The following DNAH9 variants were observed in gnomAD, a reference collection of about 807,000 sequenced individuals.
DNAH9 encodes dynein axonemal heavy chain 9, also known as DNAH9 variant protein.
In DNAH9, 345 loss-of-function variants were observed where a neutral mutation model predicts 471.6. The ratio of observed to expected loss-of-function variants is 0.73; its 90% CI spans 0.67 to 0.80. DNAH9 has a LOEUF of 0.80. Ranked by LOEUF, DNAH9 falls within the 30% of genes least tolerant of loss-of-function variation. The probability of loss-of-function intolerance (pLI) is 0.00; values close to 1 mark genes in which losing one functional copy is unlikely to be tolerated. For missense variants in DNAH9, 5,407 were observed against 5,609.2 expected (o/e 0.96, Z 1.15); for synonymous variants, 2,093 against 2,123.6 (o/e 0.99, Z 0.40).
intron 45 of DNAH9, among the ~76,000 whole-genome samples, chr17:11,819,150 C>T (rs995448511): frequency 1.3e-5 from 2 of 151,982 alleles, no homozygotes; most frequent in African/African-American, 4.8e-5. Context: ...AATCCTAGAA[C>T]CTTCCCCAGA....
At chr17:11,607,670 A>C (rs1362842832) in intron 1 of DNAH9, among the ~76,000 whole-genome samples, 1 of 152,054 alleles carries the variant, frequency 6.6e-6, no homozygotes, top group Non-Finnish European at 1.5e-5. Context: ...CCTGGGTTGA[A>C]GCGATTCTCC....
At chr17:11,710,102 G>T (rs2150785308) in intron 26 of DNAH9, among the ~76,000 whole-genome samples, 1 of 152,244 alleles carries the variant, frequency 6.6e-6, no homozygotes, top group African/African-American at 2.4e-5. Context: ...CATTCTACAT[G>T]TAGAATGTTG....
At chr17:11,826,953 T>A (rs1240475141) in intron 48 of DNAH9, among the ~76,000 whole-genome samples, 1 of 151,196 alleles carries the variant, frequency 6.6e-6, no homozygotes, top group African/African-American at 2.4e-5. Context: ...GCCTCCTGAG[T>A]AGCTGGGACT....
chr17:11,964,992 C>T (rs1184354325), intron 68 of DNAH9, among the ~76,000 whole-genome samples: 1 of 152,206 alleles, frequency 6.6e-6, no homozygotes, highest in East Asian at 1.9e-4. Flanking sequence ...CAATCAAAGA[C>T]AACTGCTTAA....
intron 45 of DNAH9, among the ~76,000 whole-genome samples, chr17:11,811,779 A>G (rs574992874): frequency 1.8e-3 from 275 of 151,884 alleles, no homozygotes; most frequent in Non-Finnish European, 3.6e-3. Flanking sequence ...GTTCCTGGAC[A>G]CTGTTACAGA....
intron 50 of DNAH9, among the ~76,000 whole-genome samples, chr17:11,862,642 C>G (rs531717462): frequency 6.6e-6 from 1 of 152,264 alleles, no homozygotes; most frequent in South Asian, 2.1e-4. Flanking sequence ...TTAATTCTTC[C>G]TACCCATGAG....
At chr17:11,826,434 G>GTTTTAT (rs1970494589) in intron 48 of DNAH9, among the ~76,000 whole-genome samples, 2 of 131,406 alleles carry the variant, frequency 1.5e-5, no homozygotes, top group African/African-American at 5.6e-5. Context: ...AGTTCTGTAT[G>GTTTTAT]TTTTCTTTTT....
intron 13 of DNAH9, among the ~76,000 whole-genome samples, chr17:11,651,938 G>A (rs886460988): frequency 6.6e-6 from 1 of 152,064 alleles, no homozygotes; most frequent in African/African-American, 2.4e-5. Flanking sequence ...GGATTCACAG[G>A]AGGGAATCAC....
intron 28 of DNAH9, chr17:11,728,138 C>T (rs1034638108): frequency 7.3e-6 from 4 of 549,224 alleles, no homozygotes; most frequent in African/African-American, 1.9e-5. Flanking sequence ...CATTTACTGG[C>T]TTTGGGACTC....
chr17:11,784,920 C>T (rs970441960), intron 41 of DNAH9, among the ~76,000 whole-genome samples: 20 of 151,904 alleles, frequency 1.3e-4, no homozygotes, highest in African/African-American at 4.6e-4. Context: ...CTATTGATCT[C>T]GGGATGAAAA....
intron 26 of DNAH9, among the ~76,000 whole-genome samples, chr17:11,714,786 G>A (rs984502898): frequency 1.3e-5 from 2 of 152,124 alleles, no homozygotes; most frequent in Non-Finnish European, 2.9e-5. Context: ...AAGGTGGTAG[G>A]GGCTGTGTAC....
At chr17:11,851,261 C>A (rs930476187) in intron 49 of DNAH9, among the ~76,000 whole-genome samples, 2 of 152,230 alleles carry the variant, frequency 1.3e-5, no homozygotes, top group Admixed American at 6.5e-5. Context: ...GGGTTACAGG[C>A]GCCTGCCATC....
intron 42 of DNAH9, among the ~76,000 whole-genome samples, chr17:11,797,387 G>A (rs1191685075): frequency 1.3e-5 from 2 of 152,062 alleles, no homozygotes; most frequent in East Asian, 3.9e-4. Context: ...CAGTCCTTAA[G>A]GAATAACAAA....
Position 11,922,990 on chromosome 17 carries a change from C to T in DNAH9, c.11750-824C>T, listed in dbSNP as rs188961631. Among the ~76,000 whole-genome samples, 366 of 152,274 alleles carry T rather than the reference C, an allele frequency of 2.4e-3. 4 individuals are homozygous for T. The highest frequency in any genetic ancestry group is 8.2e-3 in the African/African-American group (342 of 41,552). On this transcript the variant is annotated intron_variant, in intron 61 of 68. Coordinates refer to ENST00000262442, the MANE Select transcript of DNAH9 (RefSeq NM_001372.4). Reference sequence around the variant, plus strand: ...TAAAGAATAGCATCAGCAATCCTACCCCTCTTTGGGAATTAAGTGAAGAGG... The same window carrying T: ...TAAAGAATAGCATCAGCAATCCTACTCCTCTTTGGGAATTAAGTGAAGAGG...
chr17:11,699,612 G>A, intron 22 of DNAH9, 119 bp from the exon 23 acceptor site: 1 of 837,386 alleles, frequency 1.2e-6, no homozygotes, highest in South Asian at 1.6e-5. Flanking sequence ...CCTTCTAAAT[G>A]CTTGGTATCC....
chr17:11,918,366 G>T (rs547071091), intron 61 of DNAH9, among the ~76,000 whole-genome samples: 21 of 152,134 alleles, frequency 1.4e-4, no homozygotes, highest in African/African-American at 5.1e-4. Context: ...CAGGTAGCTG[G>T]ACTATAGGCA....
At chr17:11,735,461 A>C (rs1346077156) in intron 28 of DNAH9, among the ~76,000 whole-genome samples, 1 of 151,598 alleles carries the variant, frequency 6.6e-6, no homozygotes, top group African/African-American at 2.4e-5. Flanking sequence ...TTTCAGATGG[A>C]GTCTCACTCT....
chr17:11,891,768 T>C lies in DNAH9; in HGVS notation c.11113-9T>C, dbSNP rs1973056769. On this transcript the variant is annotated splice_polypyrimidine_tract_variant and intron_variant, in intron 57 of 68. Coordinates refer to ENST00000262442, the MANE Select transcript of DNAH9 (RefSeq NM_001372.4). ...TGTACCTTACCAGTTTCCTGTCTTC[T>C]GTCCCCAGGCCTTCAGTATCGTCTT... is the stretch of plus-strand genomic sequence containing the variant. 6.2e-7 allele frequency: 1 copy of C among 1,613,544 alleles called. No individual in the cohort carries two copies. The highest frequency in any genetic ancestry group is 1.3e-5 in the African/African-American group (1 of 74,910).
At chr17:11,712,881 A>G (rs987646601) in intron 26 of DNAH9, among the ~76,000 whole-genome samples, 3 of 150,614 alleles carry the variant, frequency 2.0e-5, no homozygotes, top group African/African-American at 7.4e-5. Flanking sequence ...AAGCTTTAAG[A>G]AAAAAAATGA....
Sources: allele counts gnomAD v4.1 joint callset (sites outside exome capture counted in the v4.1 genomes callset), GRCh38; gene constraint gnomAD v4.1.1; transcripts MANE v1.5; gene names NCBI Gene and HGNC (gene_info 2026-07-23, HGNC 2026-07-21).